The following CFAP74 variants were observed in gnomAD, a reference collection of about 807,000 sequenced individuals.
CFAP74 encodes cilia and flagella associated protein 74.
CFAP74 carries 124 observed loss-of-function variants against 188.9 expected under a neutral mutation model. That is an observed-to-expected ratio of 0.66 (90% CI 0.57 to 0.76). The LOEUF is 0.76. Ranked by LOEUF, CFAP74 falls within the 30% of genes least tolerant of loss-of-function variation. CFAP74 has a pLI of 0.00. For missense variants in CFAP74, 2,198 were observed against 2,165.2 expected, an observed-to-expected ratio of 1.02 and a Z score of -0.30; for synonymous variants, 956 against 916.7, an observed-to-expected ratio of 1.04 and a Z score of -0.77.
At chr1:1,981,661 G>A (rs1283211366) in intron 6 of CFAP74, among the ~76,000 whole-genome samples, 1 of 103,986 alleles carries the variant, frequency 9.6e-6, no homozygotes, top group East Asian at 3.2e-4. Flanking sequence ...GACAGACACA[G>A]GGGCACGCAG....
chr1:1,935,820 C>A (rs1652849927), intron 25 of CFAP74, among the ~76,000 whole-genome samples: 1 of 151,058 alleles, frequency 6.6e-6, no homozygotes, highest in African/African-American at 2.4e-5. Context: ...AAGAAGAGAG[C>A]AGAGGACGCA....
chr1:1,965,324 A>T (rs1655397237), intron 12 of CFAP74, among the ~76,000 whole-genome samples: 2 of 152,228 alleles, frequency 1.3e-5, no homozygotes, highest in Admixed American at 1.3e-4. Flanking sequence ...ACCAGGAAAC[A>T]AGAGCAGACA....
In CFAP74 at chr1:1,962,998, C is replaced by T. The variant is rs982957034; in HGVS notation, c.1694+751G>A. On this transcript the variant is annotated intron_variant, in intron 14 of 38. Coordinates refer to ENST00000682832, the MANE Select transcript of CFAP74 (RefSeq NM_001304360.2). The stretch of plus-strand genomic sequence containing the variant: ...CCAAAACACAGGTAAGTGGAGTCTG[C>T]AAGGAAGCAAATGGAAACATTGTTA... Among the ~76,000 whole-genome samples, 3 of 152,180 alleles carry T rather than the reference C, an allele frequency of 2.0e-5. No homozygotes were observed. The East Asian group carries it at 5.8e-4, about 29-fold the overall frequency.
At chr1:1,971,475 T>C (rs925859592) in intron 9 of CFAP74, among the ~76,000 whole-genome samples, 7 of 152,234 alleles carry the variant, frequency 4.6e-5, no homozygotes, top group Non-Finnish European at 1.0e-4. Flanking sequence ...GTTGAACAGA[T>C]GTCCTTAAAC....
intron 25 of CFAP74, among the ~76,000 whole-genome samples, chr1:1,931,560 C>A (rs1442028398): frequency 7.3e-6 from 1 of 137,600 alleles, no homozygotes; most frequent in African/African-American, 2.7e-5. Flanking sequence ...CACGGCGAAA[C>A]CCCGTCGCTA....
chr1:1,987,924 GTGCCCGAGTTATGGGCAAGAAGTTA>G, intron 4 of CFAP74: 2 of 344,398 alleles, frequency 5.8e-6, no homozygotes, highest in Non-Finnish European at 1.1e-5. Context: ...CCCAAGTTAG[GTGCCCGAGTTATGGGCAAGAAGTTA>G]TGCAGAAGAA....
intron 12 of CFAP74, 78 bp from the exon 13 acceptor site, chr1:1,965,139 G>T: frequency 7.0e-7 from 1 of 1,427,096 alleles, no homozygotes; most frequent in Non-Finnish European, 9.5e-7. Context: ...GGAGGCGAGG[G>T]TAGCGGTTAG....
At chr1:1,946,267 T>C in intron 20 of CFAP74, 50 bp downstream of exon 20, 1 of 1,489,004 alleles carries the variant, frequency 6.7e-7, no homozygotes, top group Non-Finnish European at 9.0e-7. Context: ...CATGAGGCTG[T>C]GGAGGCAGGG....
chr1:1,995,193 T>C lies in CFAP74; in HGVS notation c.-19-4218A>G, dbSNP rs575709649. On this transcript the variant is annotated intron_variant, in intron 1 of 38. Coordinates refer to ENST00000682832, the MANE Select transcript of CFAP74 (RefSeq NM_001304360.2). ...AATGCCGGATAGGACTGTACTTTAA[T>C]TCTCGTAAAAATGTTGAAGAACAAA... Among the ~76,000 whole-genome samples the C allele has an allele frequency of 2.0e-5, 3 of 151,996 alleles. No individual in the cohort carries two copies. In the South Asian group the frequency reaches 6.2e-4, roughly 32 times the overall value.
At chr1:1,994,302 T>C (rs1272001467) in intron 1 of CFAP74, among the ~76,000 whole-genome samples, 1 of 152,192 alleles carries the variant, frequency 6.6e-6, no homozygotes. Flanking sequence ...TACATAAATG[T>C]TGACATTATG....
intron 4 of CFAP74, among the ~76,000 whole-genome samples, 172 bp downstream of exon 4, chr1:1,988,340 G>A (rs954154387): frequency 6.6e-6 from 1 of 152,204 alleles, no homozygotes; most frequent in Non-Finnish European, 1.5e-5. Flanking sequence ...GGAGCGCTGG[G>A]CACTAGCTCC....
chr1:1,944,886 G>A (rs983524075), intron 20 of CFAP74, among the ~76,000 whole-genome samples: 5 of 152,268 alleles, frequency 3.3e-5, no homozygotes, highest in South Asian at 2.1e-4. Context: ...GATTACAGGC[G>A]TGAGCCACTG....
chr1:1,927,458 T>G (rs1285355962), intron 28 of CFAP74, 149 bp downstream of exon 28: 1 of 772,188 alleles, frequency 1.3e-6, no homozygotes, highest in Admixed American at 2.9e-5. Flanking sequence ...AGGCAGCACC[T>G]GGATCCAGCT....
In CFAP74 at chr1:1,922,280, C is replaced by T; in HGVS notation, c.*7G>A. 6.2e-7 allele frequency: 1 copy of T among 1,606,868 alleles called. No individual in the cohort carries two copies. Among genetic ancestry groups the T allele is most frequent in the Admixed American group, 1.7e-5 (1 of 58,978 alleles). ...CAGGAGGGCCCGAGGGTGCTCTGTG[C>T]AGAGGCTTAGGGGCCAGTCAACACC... On this transcript the variant is annotated 3_prime_UTR_variant, in exon 39 of 39. Transcript: ENST00000682832.
chr1:1,991,001 G>A (rs929925057), intron 1 of CFAP74, 26 bp from the exon 2 acceptor site: 39 of 1,431,772 alleles, frequency 2.7e-5, no homozygotes, highest in Non-Finnish European at 3.6e-5. Context: ...GCAAAATATA[G>A]ATCAATAAAA....
At chr1:1,943,041 C>T (rs961178748) in intron 21 of CFAP74, among the ~76,000 whole-genome samples, 3 of 152,224 alleles carry the variant, frequency 2.0e-5, no homozygotes, top group Admixed American at 6.5e-5. Context: ...CCATGGGAGG[C>T]GGGCGCCCGG....
At position 1,970,653 on chromosome 1, in the gene CFAP74, C is replaced by T. The variant is rs369120485; in HGVS notation, c.1046+6G>A. ...CTCCCGGTGGCACCTCTGCCACCAC[C>T]CTCACCTCTTCTGGGCCTCCAGCTC... On this transcript the variant is annotated splice_donor_region_variant and intron_variant, in intron 10 of 38. Coordinates refer to ENST00000682832, the MANE Select transcript of CFAP74 (RefSeq NM_001304360.2). The T allele has an allele frequency of 1.2e-4, 187 of 1,602,124 alleles. No homozygotes were observed. The highest frequency in any genetic ancestry group is 4.9e-4 in the Admixed American group (28 of 57,568).
intron 1 of CFAP74, among the ~76,000 whole-genome samples, chr1:1,997,114 C>T (rs1657957509): frequency 6.6e-6 from 1 of 151,980 alleles, no homozygotes; most frequent in Middle Eastern, 3.2e-3. Context: ...CCAGCCAGAA[C>T]AATCAGATGT....
Position 1,975,303 on chromosome 1 carries a change from T to G in CFAP74, c.501-1105A>C, listed in dbSNP as rs1446485565. Among the ~76,000 whole-genome samples the G allele has an allele frequency of 6.6e-6, 1 of 152,214 alleles. No homozygotes were observed. Among genetic ancestry groups the G allele is most frequent in the African/African-American group, 2.4e-5 (1 of 41,444 alleles). On this transcript the variant is annotated intron_variant, in intron 6 of 38. Coordinates refer to ENST00000682832, the MANE Select transcript of CFAP74 (RefSeq NM_001304360.2). The surrounding 1 kb of genome is among the most constrained non-coding windows in gnomAD (Gnocchi z 4.5). ...ATCATGAACATATGTTGAATTGAGATACTCAATGGTTTTCTCTTTTAACGT... is the reference window on the plus strand; with the variant it reads ...ATCATGAACATATGTTGAATTGAGAGACTCAATGGTTTTCTCTTTTAACGT...
Sources: allele counts gnomAD v4.1 joint callset (sites outside exome capture counted in the v4.1 genomes callset), GRCh38; gene constraint gnomAD v4.1.1; non-coding constraint Gnocchi (gnomAD v3.1); transcripts MANE v1.5; gene names NCBI Gene and HGNC (gene_info 2026-07-23, HGNC 2026-07-21).